Variants in CSGALNACT1 observed in about 807,000 individuals in gnomAD.
CSGALNACT1 encodes the protein beta4GalNAcT-1.
A neutral mutation model predicts 51.0 loss-of-function variants in CSGALNACT1; 52 were observed. The ratio of observed to expected loss-of-function variants is 1.02; its 90% CI spans 0.82 to 1.29. The LOEUF is 1.29. Ranked by LOEUF, CSGALNACT1 falls within the 50% of genes most tolerant of loss-of-function variation. The pLI, the probability that CSGALNACT1 is intolerant of heterozygous loss-of-function variation, is 0.00. For missense variants in CSGALNACT1, 935 were observed against 679.2 expected, an observed-to-expected ratio of 1.38 and a Z score of -4.19; for synonymous variants, 341 against 254.4, an observed-to-expected ratio of 1.34 and a Z score of -3.24.
chr8:19,531,576 T>G (rs1424523491), intron 3 of CSGALNACT1, among the ~76,000 whole-genome samples: 1 of 152,208 alleles, frequency 6.6e-6, no homozygotes, highest in African/African-American at 2.4e-5. Context: ...GGCAAATCAC[T>G]AAAGTTCTCT....
chr8:19,721,199 A>G lies in CSGALNACT1; in HGVS notation c.-297+36651T>C, dbSNP rs150807335. 8.3e-4 allele frequency among the ~76,000 whole-genome samples: 126 copies of G among 152,298 alleles called. 3 individuals are homozygous for G. In the East Asian group the frequency reaches 0.015, roughly 19 times the overall value. ...CTGCCAGATTTTTCTCTTGAGTCCT[A>G]GTCCTGTCACCACCATTTCCAAAAC... On this transcript the variant is annotated intron_variant, in intron 1 of 1. Coordinates refer to the CSGALNACT1 transcript ENST00000517494.
chr8:19,559,647 T>G (rs1383110229), intron 3 of CSGALNACT1, among the ~76,000 whole-genome samples: 1 of 152,152 alleles, frequency 6.6e-6, no homozygotes, highest in East Asian at 1.9e-4. Flanking sequence ...ACTAAATTTC[T>G]ATGTATATAA....
chr8:19,550,439 A>G (rs1294591757), intron 3 of CSGALNACT1, among the ~76,000 whole-genome samples: 1 of 152,096 alleles, frequency 6.6e-6, no homozygotes. Context: ...TTCTGTCATC[A>G]TGCTTCTCAT....
At chr8:19,589,608 G>A (rs1480260949) in intron 3 of CSGALNACT1, among the ~76,000 whole-genome samples, 1 of 152,138 alleles carries the variant, frequency 6.6e-6, no homozygotes, top group Non-Finnish European at 1.5e-5. Flanking sequence ...TGGGATTATA[G>A]GTGTTAGCCA....
chr8:19,536,358 T>G (rs549928672), intron 3 of CSGALNACT1, among the ~76,000 whole-genome samples: 1 of 151,674 alleles, frequency 6.6e-6, no homozygotes, highest in East Asian at 1.9e-4. Context: ...AAAAAACAAA[T>G]GCATCTCCAC....
chr8:19,686,740 C>T (rs1206764590), upstream of CSGALNACT1, among the ~76,000 whole-genome samples: 1 of 152,180 alleles, frequency 6.6e-6, no homozygotes, highest in Non-Finnish European at 1.5e-5. Flanking sequence ...AGGGAACATT[C>T]AGAAATTTAA....
intron 2 of CSGALNACT1, among the ~76,000 whole-genome samples, chr8:19,592,745 G>C (rs937473493): frequency 1.3e-5 from 2 of 152,046 alleles, no homozygotes; most frequent in Non-Finnish European, 2.9e-5. Flanking sequence ...ACTCTGGCCT[G>C]GGGGACAAAG....
At chr8:19,601,668 T>C (rs536462654) in intron 2 of CSGALNACT1, 103 bp downstream of exon 2, 88 of 352,100 alleles carry the variant, frequency 2.5e-4, no homozygotes, top group African/African-American at 8.8e-4. Flanking sequence ...AATCAAGCTA[T>C]TGACAGTAGA....
At chr8:19,567,330 C>T (rs1474908808) in intron 3 of CSGALNACT1, among the ~76,000 whole-genome samples, 1 of 152,162 alleles carries the variant, frequency 6.6e-6, no homozygotes, top group Admixed American at 6.5e-5. Flanking sequence ...GAAGGATCAG[C>T]CTAGAACCCA....
chr8:19,756,003 G>A (rs1292130441), intron 1 of CSGALNACT1, among the ~76,000 whole-genome samples: 4 of 152,054 alleles, frequency 2.6e-5, no homozygotes, highest in African/African-American at 9.7e-5. Context: ...ATTACAAAAC[G>A]TGTTCAAGTC....
At chr8:19,651,870 T>C (rs1321541871) in intron 1 of CSGALNACT1, among the ~76,000 whole-genome samples, 1 of 152,178 alleles carries the variant, frequency 6.6e-6, no homozygotes, top group African/African-American at 2.4e-5. Context: ...TTTACATTTT[T>C]ACCAGCAATT....
At chr8:19,606,480 C>T (rs971598057), upstream of CSGALNACT1, among the ~76,000 whole-genome samples, 1 of 152,186 alleles carries the variant, frequency 6.6e-6, no homozygotes, top group African/African-American at 2.4e-5. Context: ...TCCTTAACCA[C>T]ATTCCTTCTA....
chr8:19,570,195 T>G (rs1423248971), intron 3 of CSGALNACT1, among the ~76,000 whole-genome samples: 1 of 152,132 alleles, frequency 6.6e-6, no homozygotes, highest in Non-Finnish European at 1.5e-5. Context: ...ACTTAAGATT[T>G]TTGTACTTTA....
chr8:19,711,172 G>C (rs1007132616), intron 1 of CSGALNACT1, among the ~76,000 whole-genome samples: 4 of 152,022 alleles, frequency 2.6e-5, no homozygotes, highest in Admixed American at 6.5e-5. Context: ...CTTTTGCTAA[G>C]TCAGGCCCAA....
chr8:19,653,318 C>G (rs1460791154), intron 1 of CSGALNACT1, among the ~76,000 whole-genome samples: 1 of 152,182 alleles, frequency 6.6e-6, no homozygotes, highest in Non-Finnish European at 1.5e-5. Flanking sequence ...TCCCTACAGG[C>G]AGCAATCCTC....
chr8:19,549,953 A>AT (rs1564005245), intron 3 of CSGALNACT1, among the ~76,000 whole-genome samples: 2 of 152,004 alleles, frequency 1.3e-5, no homozygotes, highest in African/African-American at 4.8e-5. Context: ...TCTGTTAAAC[A>AT]TTTTTGGGAA....
intron 3 of CSGALNACT1, among the ~76,000 whole-genome samples, chr8:19,546,890 A>C (rs184516406): frequency 6.6e-6 from 1 of 152,318 alleles, no homozygotes; most frequent in Non-Finnish European, 1.5e-5. Context: ...TTCAGGGTGC[A>C]GAATGATCCT....
At chr8:19,411,323 C>T (rs1481875866) in intron 8 of CSGALNACT1, among the ~76,000 whole-genome samples, 1 of 152,226 alleles carries the variant, frequency 6.6e-6, no homozygotes, top group Non-Finnish European at 1.5e-5. Flanking sequence ...TCTCTGTTTG[C>T]TGACTGTCTT....
intron 1 of CSGALNACT1, among the ~76,000 whole-genome samples, chr8:19,747,556 C>G (rs2064757256): frequency 1.3e-5 from 2 of 152,150 alleles, no homozygotes; most frequent in Non-Finnish European, 2.9e-5. Context: ...GAGAGCACCC[C>G]AGACCCAAAA....
Sources: gnomAD v4.1 joint callset for allele counts (sites outside exome capture counted in the v4.1 genomes callset) on GRCh38, gnomAD v4.1.1 for gene constraint, MANE v1.5 for transcripts, NCBI Gene and HGNC (gene_info 2026-07-23, HGNC 2026-07-21) for gene names.